Variants in GLT8D2 observed in about 807,000 individuals in gnomAD.
The protein encoded by GLT8D2 is glycosyltransferase 8 domain containing 2.
In GLT8D2, 45 loss-of-function variants were observed where a neutral mutation model predicts 44.5. The observed-to-expected ratio is 1.01, with a 90% CI of 0.80 to 1.30. The LOEUF (loss-of-function observed/expected upper bound fraction) is 1.30. GLT8D2 is among the 50% of genes most tolerant of loss of function. The pLI is 0.00. For synonymous variants in GLT8D2, 156 were observed against 157.2 expected, an observed-to-expected ratio of 0.99 and a Z score of 0.06; for missense variants, 400 against 430.4, an observed-to-expected ratio of 0.93 and a Z score of 0.62.
intron 3 of GLT8D2, among the ~76,000 whole-genome samples, chr12:104,016,721 A>AAG (rs1293115054): frequency 1.9e-5 from 1 of 51,960 alleles, no homozygotes; most frequent in East Asian, 5.7e-4. Context: ...GAAAGAAAGA[A>AAG]AGAAAGAAAG....
intron 9 of GLT8D2, 107 bp downstream of exon 9, chr12:103,994,228 C>A (rs1477445561): frequency 3.7e-6 from 4 of 1,069,358 alleles, no homozygotes; most frequent in Non-Finnish European, 5.2e-6. Flanking sequence ...GAAAATCTGA[C>A]CTGAGATGAC....
Position 103,993,377 on chromosome 12 carries a change from T to A in GLT8D2, c.880+15A>T, listed in dbSNP as rs753816586. ...ACATTTGCGTTTTTCTAAACAGTTT[T>A]TCTGAAATACTTACCCAGGTGCCTT... On this transcript the variant is annotated intron_variant, in intron 10 of 10. Coordinates refer to ENST00000360814, the MANE Select transcript of GLT8D2 (RefSeq NM_001384711.1). 1 of 1,579,994 alleles carries A rather than the reference T, an allele frequency of 6.3e-7. No homozygotes were observed.
At chr12:104,057,938 T>G (rs1169696784) in intron 1 of GLT8D2, among the ~76,000 whole-genome samples, 1 of 152,220 alleles carries the variant, frequency 6.6e-6, no homozygotes, top group Non-Finnish European at 1.5e-5. Flanking sequence ...ATGGGGGATA[T>G]CCCAGTAGTT....
At chr12:104,016,748 A>AAAGG (rs1876738298) in intron 3 of GLT8D2, among the ~76,000 whole-genome samples, 1 of 109,284 alleles carries the variant, frequency 9.2e-6, no homozygotes, top group Non-Finnish European at 1.9e-5. Flanking sequence ...AGAAAGAAAG[A>AAAGG]AAGAAAGAAA....
rs145147714 is a variant in GLT8D2, at chr12:104,012,973, C to A, written c.112+2040G>T. The A allele has an allele frequency of 1.1e-4, 62 of 570,436 alleles. No individual in the cohort carries two copies. In the East Asian group the frequency reaches 1.8e-3, roughly 16 times the overall value. 35.3% of individuals were successfully genotyped at this position (570,436 alleles called of 1,614,324 possible). A position where few individuals can be genotyped will look rare whatever the true frequency, so the allele number is the denominator to read the frequency against. On this transcript the variant is annotated intron_variant, in intron 4 of 10. Transcript: ENST00000360814. ...TCAGGAGAAACAAAACCTGCTCACA[C>A]CTTGATCCTGGACTTCCAGCCTCCA... is the stretch of plus-strand genomic sequence containing the variant.
rs140861931 is a variant in GLT8D2, at chr12:104,060,585, T to A, written c.-423+3364A>T. ...CTGATATAATCAAGTTAAGATGAGA[T>A]CACAGGATGAGCCCTAATCCAATAT... On this transcript the variant is annotated intron_variant, in intron 1 of 10. Transcript: ENST00000548660. Among the ~76,000 whole-genome samples, 96 of 152,258 alleles carry A rather than the reference T, an allele frequency of 6.3e-4. No individual in the cohort carries two copies. In the East Asian group the frequency reaches 0.011, roughly 18 times the overall value.
intron 4 of GLT8D2, chr12:104,012,679 A>G (rs1451427464): frequency 1.7e-6 from 1 of 600,692 alleles, no homozygotes; most frequent in Non-Finnish European, 2.9e-6. Flanking sequence ...AGATACTGCT[A>G]TGGACTGAAT....
intron 1 of GLT8D2, chr12:104,030,745 A>G: frequency 1.9e-6 from 3 of 1,612,244 alleles, no homozygotes; most frequent in Non-Finnish European, 2.5e-6. Flanking sequence ...GAATCTGCTA[A>G]TCCCAGTCGG....
upstream of GLT8D2, among the ~76,000 whole-genome samples, chr12:104,054,595 C>A (rs1254173669): frequency 6.6e-6 from 1 of 151,982 alleles, no homozygotes; most frequent in African/African-American, 2.4e-5. Context: ...TCTGCTTCCT[C>A]CCTTCTAATA....
chr12:104,059,040 T>A (rs778529949), intron 1 of GLT8D2, among the ~76,000 whole-genome samples: 11 of 152,222 alleles, frequency 7.2e-5, no homozygotes, highest in Non-Finnish European at 1.2e-4. Flanking sequence ...CAAGACTTCA[T>A]CATGTGACTC....
chr12:103,997,089 C>A (rs910645800), intron 7 of GLT8D2, among the ~76,000 whole-genome samples: 1 of 152,186 alleles, frequency 6.6e-6, no homozygotes, highest in Non-Finnish European at 1.5e-5. Flanking sequence ...AGATACCACA[C>A]CAATGCGTAT....
At chr12:104,022,349 C>T (rs2136390339) in intron 1 of GLT8D2, among the ~76,000 whole-genome samples, 1 of 152,212 alleles carries the variant, frequency 6.6e-6, no homozygotes, top group Non-Finnish European at 1.5e-5. Flanking sequence ...GGAAGAAAGG[C>T]TGGAGGACTG....
In GLT8D2 at chr12:104,002,663, G is replaced by A. The variant is rs527392087; in HGVS notation, c.284+472C>T. ...TTTAAGGAAATATAAGAAAGTAGAG[G>A]CCAGGTGTGGTGGCTCACACCTGTA... On this transcript the variant is annotated intron_variant, in intron 5 of 10. Coordinates refer to ENST00000360814, the MANE Select transcript of GLT8D2 (RefSeq NM_001384711.1). 4.6e-5 allele frequency among the ~76,000 whole-genome samples: 7 copies of A among 152,208 alleles called. No individual in the cohort carries two copies. In the South Asian group the frequency reaches 1.5e-3, roughly 32 times the overall value.
At chr12:104,055,909 C>T (rs1179356640) in intron 1 of GLT8D2, among the ~76,000 whole-genome samples, 1 of 152,172 alleles carries the variant, frequency 6.6e-6, no homozygotes, top group African/African-American at 2.4e-5. Context: ...ACCATAGCAG[C>T]CTCAATTCCC....
At position 103,993,499 on chromosome 12, in the gene GLT8D2, T is replaced by A. The variant is rs1190899207; in HGVS notation, c.773A>T (p.Asn258Ile). 6.4e-7 allele frequency: 1 copy of A among 1,564,688 alleles called. No individual in the cohort carries two copies. The highest frequency in any genetic ancestry group is 8.6e-7 in the Non-Finnish European group (1 of 1,159,052). Residue 258 changes from asparagine (N) to isoleucine (I), a missense_variant, in exon 10 of 11, where the codon AAC (asparagine) becomes ATC (isoleucine). Transcript: ENST00000360814. ...TCCTCCCAGGGAGCTGCTATAGAGG[T>A]TTTCCCTAAGAAATGAAATAGAAAA... ...EKWMQKNVEE[N>I]LYSSSLGGGV...
At chr12:104,033,037 G>A (rs770416902) in intron 1 of GLT8D2, among the ~76,000 whole-genome samples, 10 of 152,062 alleles carry the variant, frequency 6.6e-5, no homozygotes, top group Non-Finnish European at 1.3e-4. Context: ...ACATCACCAT[G>A]CCCGGCTAAT....
At position 104,015,437 on chromosome 12, in the gene GLT8D2, A is replaced by ACACACACAC. The variant is rs1373206430; in HGVS notation, c.20-333_20-332insGTGTGTGTG. Among the ~76,000 whole-genome samples the ACACACACAC allele has an allele frequency of 2.8e-3, 230 of 81,006 alleles. 3 individuals carry two copies. The highest frequency in any genetic ancestry group is 7.9e-3 in the African/African-American group (225 of 28,350). The allele number at this position is 81,006 out of a possible 152,430, so 53.1% of individuals were successfully genotyped here. ...ACACACACACACACACACACACACAAATTAGCTGGGCGTGGTGGCATGCAC... is the reference window on the plus strand; with the variant it reads ...ACACACACACACACACACACACACAACACACACACATTAGCTGGGCGTGGTGGCATGCAC... On this transcript the variant is annotated intron_variant, in intron 3 of 10. Coordinates refer to ENST00000360814, the MANE Select transcript of GLT8D2 (RefSeq NM_001384711.1).
At chr12:104,034,867 T>G (rs756925889) in intron 1 of GLT8D2, among the ~76,000 whole-genome samples, 1 of 152,224 alleles carries the variant, frequency 6.6e-6, no homozygotes, top group Non-Finnish European at 1.5e-5. Context: ...CCATGTAGCC[T>G]AACTGGGAGA....
rs7976174 is a variant in GLT8D2 at position 104,047,534 on chromosome 12, G to A, written c.-164+2361C>T. ...TTGGTCAGTCTGGTCTCAAACTCCC[G>A]ACCTCAAGTGATCCACCTGCCTCAG... On this transcript the variant is annotated intron_variant, in intron 1 of 10. Coordinates refer to ENST00000360814, the MANE Select transcript of GLT8D2 (RefSeq NM_001384711.1). 7.0e-3 allele frequency among the ~76,000 whole-genome samples: 1,057 copies of A among 152,076 alleles called. 15 individuals are homozygous for A. Among genetic ancestry groups the A allele is most frequent in the African/African-American group, 0.024 (975 of 41,456 alleles).
Sources: gnomAD v4.1 joint callset for allele counts (sites outside exome capture counted in the v4.1 genomes callset) on GRCh38, gnomAD v4.1.1 for gene constraint, MANE v1.5 for transcripts, NCBI Gene and HGNC (gene_info 2026-07-23, HGNC 2026-07-21) for gene names.